LSM12: variants seen among roughly 807,000 people sequenced by gnomAD.
LSM12 encodes protein LSM12.
For synonymous variants in LSM12, 74 were observed against 87.3 expected (o/e 0.85, Z 0.85); for missense variants, 108 against 238.9 (o/e 0.45, Z 3.61).
chr17:44,048,063 A>ACACACACACG (rs2049594568), intron 2 of LSM12, among the ~76,000 whole-genome samples: 2 of 144,236 alleles, frequency 1.4e-5, no homozygotes, highest in Admixed American at 1.4e-4. Flanking sequence ...ACACACACAC[A>ACACACACACG]CGCAAATAAA....
rs2049717633 is a variant in LSM12, at chr17:44,056,588, G to T, written c.258+7213C>A. ...TGTGCCTGTGGTCCCAGCTACTCAG[G>T]AGGGTGAGGCAGAAGAACTGCTTGA... is the stretch of plus-strand genomic sequence containing the variant. On this transcript the variant is annotated intron_variant, in intron 2 of 4. Transcript: ENST00000293406. 2.0e-5 allele frequency among the ~76,000 whole-genome samples: 3 copies of T among 152,076 alleles called. No individual in the cohort carries two copies. The South Asian group carries it at 6.2e-4, about 32-fold the overall frequency.
At chr17:44,039,671 G>A (rs953588023) in intron 3 of LSM12, among the ~76,000 whole-genome samples, 8 of 152,238 alleles carry the variant, frequency 5.3e-5, no homozygotes, top group Admixed American at 1.3e-4. Context: ...GTGAGCCACC[G>A]CGCCCGGCCC....
intron 2 of LSM12, among the ~76,000 whole-genome samples, chr17:44,042,020 C>T (rs1420154102): frequency 6.6e-6 from 1 of 152,196 alleles, no homozygotes; most frequent in East Asian, 1.9e-4. Context: ...GGCCCAGTGG[C>T]TCACGCCTAT....
At chr17:44,038,426 AAGTG>A (rs1282285898) in intron 3 of LSM12, among the ~76,000 whole-genome samples, 7 of 151,728 alleles carry the variant, frequency 4.6e-5, no homozygotes, top group Non-Finnish European at 1.0e-4. Flanking sequence ...TTGGAGGCCG[AAGTG>A]GGCGGATCAT....
intron 3 of LSM12, among the ~76,000 whole-genome samples, chr17:44,038,833 C>T (rs1018571937): frequency 4.6e-5 from 7 of 152,182 alleles, no homozygotes; most frequent in East Asian, 1.9e-4. Flanking sequence ...GCAGCTGATG[C>T]GACTGGGAGT....
At chr17:44,061,466 A>G (rs1410988571) in intron 2 of LSM12, among the ~76,000 whole-genome samples, 1 of 152,216 alleles carries the variant, frequency 6.6e-6, no homozygotes, top group East Asian at 1.9e-4. Flanking sequence ...GCTTCAAAGA[A>G]TGGGACATCC....
intron 2 of LSM12, among the ~76,000 whole-genome samples, chr17:44,055,630 T>C (rs2049701670): frequency 6.7e-6 from 1 of 148,164 alleles, no homozygotes; most frequent in African/African-American, 2.5e-5. Context: ...TGAGCAGAGA[T>C]CACACCACTG....
intron 2 of LSM12, among the ~76,000 whole-genome samples, chr17:44,050,097 CTTTTTA>C (rs1483063720): frequency 4.6e-5 from 7 of 152,052 alleles, no homozygotes; most frequent in African/African-American, 7.2e-5. Flanking sequence ...AGCCTTCATT[CTTTTTA>C]TTTTTATTTT....
At chr17:44,052,113 A>T (rs1209616773) in intron 2 of LSM12, among the ~76,000 whole-genome samples, 2 of 151,980 alleles carry the variant, frequency 1.3e-5, no homozygotes, top group Non-Finnish European at 2.9e-5. Flanking sequence ...CTTAGAAAAA[A>T]TTTAAAAAGT....
chr17:44,053,184 G>T (rs2049669140), intron 2 of LSM12, among the ~76,000 whole-genome samples: 1 of 152,066 alleles, frequency 6.6e-6, no homozygotes. Context: ...TATACCAAGG[G>T]TTGGCAAACA....
intron 2 of LSM12, among the ~76,000 whole-genome samples, chr17:44,058,091 G>C (rs894126844): frequency 6.6e-6 from 1 of 151,778 alleles, no homozygotes; most frequent in African/African-American, 2.4e-5. Flanking sequence ...AAAAAAATTA[G>C]CTGGGCGTGG....
At chr17:44,045,047 A>G (rs1282218425) in intron 2 of LSM12, among the ~76,000 whole-genome samples, 1 of 151,784 alleles carries the variant, frequency 6.6e-6, no homozygotes, top group African/African-American at 2.4e-5. Flanking sequence ...TTTTTTTTTG[A>G]GACAAAGTCT....
At chr17:44,043,360 C>T (rs949242987) in intron 2 of LSM12, among the ~76,000 whole-genome samples, 1 of 152,118 alleles carries the variant, frequency 6.6e-6, no homozygotes, top group Admixed American at 6.6e-5. Context: ...CCATTCTGGC[C>T]CTACCAGGCT....
intron 2 of LSM12, among the ~76,000 whole-genome samples, chr17:44,056,689 C>G (rs2049718831): frequency 6.7e-6 from 1 of 149,320 alleles, no homozygotes; most frequent in Non-Finnish European, 1.5e-5. Flanking sequence ...GAAAACTCCT[C>G]TCCAAAAAAA....
rs35411238 is a variant in LSM12 at position 44,039,365 on chromosome 17, C to CTTT, written c.368+779_368+781dup. Among the ~76,000 whole-genome samples, 97 of 51,086 alleles carry CTTT rather than the reference C, an allele frequency of 1.9e-3. 8 individuals carry two copies. The highest frequency in any genetic ancestry group is 2.2e-3 in the African/African-American group (27 of 12,050). The allele number at this position is 51,086 out of a possible 152,430, so 33.5% of individuals were successfully genotyped here. A position where few individuals can be genotyped will look rare whatever the true frequency, so the allele number is the denominator to read the frequency against. ...CCACCGTGCCCGACCAACAAAATGTCTTTTTTTTTTTTTTTTTTTTTTTTT... is the reference window on the plus strand; with the variant it reads ...CCACCGTGCCCGACCAACAAAATGTCTTTTTTTTTTTTTTTTTTTTTTTTTTTT... On this transcript the variant is annotated intron_variant, in intron 3 of 4. Coordinates refer to ENST00000293406, the MANE Select transcript of LSM12 (RefSeq NM_001371445.1).
intron 3 of LSM12, among the ~76,000 whole-genome samples, chr17:44,037,799 A>G (rs1409158519): frequency 6.6e-6 from 1 of 152,238 alleles, no homozygotes; most frequent in Non-Finnish European, 1.5e-5. Flanking sequence ...CTGGAGAGCC[A>G]TAAAAATGTG....
At position 44,035,301 on chromosome 17, in the gene LSM12, G is replaced by GTCT. The variant is rs2049402631; in HGVS notation, c.*904_*906dup. 2 of 76,330 alleles carry GTCT rather than the reference G, an allele frequency of 2.6e-5. No homozygotes were observed. Among genetic ancestry groups the GTCT allele is most frequent in the South Asian group, 6.0e-4 (1 of 1,662 alleles). 4.7% of individuals were successfully genotyped at this position (76,330 alleles called of 1,614,324 possible). On this transcript the variant is annotated 3_prime_UTR_variant, in exon 5 of 5. Coordinates refer to ENST00000293406, the MANE Select transcript of LSM12 (RefSeq NM_001371445.1). ...TCATGTGGAGAGAGTGGCGAGGAAGGTCTTCTAGTACCATGAAGTAAGACA... is the reference window on the plus strand; with the variant it reads ...TCATGTGGAGAGAGTGGCGAGGAAGGTCTTCTTCTAGTACCATGAAGTAAGACA...
chr17:44,051,749 G>A (rs2049646878), intron 2 of LSM12, among the ~76,000 whole-genome samples: 1 of 152,150 alleles, frequency 6.6e-6, no homozygotes, highest in Non-Finnish European at 1.5e-5. Context: ...CAAGACAGGA[G>A]GATGGCTTGA....
chr17:44,041,102 C>A (rs2049481819), intron 2 of LSM12, among the ~76,000 whole-genome samples: 1 of 150,908 alleles, frequency 6.6e-6, no homozygotes, highest in South Asian at 2.1e-4. Context: ...GAAACCCCGT[C>A]TCTACTAAAA....
Sources: gnomAD v4.1 joint callset for allele counts (sites outside exome capture counted in the v4.1 genomes callset) on GRCh38, gnomAD v4.1.1 for gene constraint, MANE v1.5 for transcripts, NCBI Gene and HGNC (gene_info 2026-07-23, HGNC 2026-07-21) for gene names.